LAMC1: variants seen among roughly 807,000 people sequenced by gnomAD.
LAMC1 encodes the protein laminin subunit gamma-1.
LAMC1 carries 38 observed loss-of-function variants against 173.6 expected under a neutral mutation model. The observed-to-expected ratio is 0.22, with a 90% CI of 0.17 to 0.29. The LOEUF (loss-of-function observed/expected upper bound fraction) is 0.29, where lower values mean the gene tolerates loss of function less well. Among genes scored for constraint, LAMC1 ranks in the 10% least tolerant of loss-of-function variants. The probability of loss-of-function intolerance (pLI) is 1.00; values close to 1 mark genes in which losing one functional copy is unlikely to be tolerated. For synonymous variants in LAMC1, 746 were observed against 749.1 expected (o/e 1.00, Z 0.07); for missense variants, 1,824 against 2,051.8 (o/e 0.89, Z 2.14).
intron 24 of LAMC1, 151 bp from the exon 25 acceptor site, chr1:183,136,235 G>C: frequency 1.6e-6 from 1 of 638,136 alleles, no homozygotes; most frequent in Admixed American, 2.7e-5. Context: ...CTGTAGAGAT[G>C]TGTAATTTCT....
At chr1:183,067,085 C>G (rs1318656975) in intron 1 of LAMC1, among the ~76,000 whole-genome samples, 1 of 152,132 alleles carries the variant, frequency 6.6e-6, no homozygotes, top group East Asian at 1.9e-4. Flanking sequence ...TAATTACATT[C>G]TAAGAGTGCA....
Position 183,081,016 on chromosome 1 carries a change from G to A in LAMC1, c.419-22312G>A, listed in dbSNP as rs549265474. Among the ~76,000 whole-genome samples, 3 of 152,132 alleles carry A rather than the reference G, an allele frequency of 2.0e-5. No individual in the cohort carries two copies. The East Asian group carries it at 5.9e-4, about 30-fold the overall frequency. On this transcript the variant is annotated intron_variant, in intron 1 of 27. Transcript: ENST00000258341. Reference sequence around the variant, plus strand: ...CGGTTCTTCTGCCTCAGCCTCCCAAGTAGCTGGGACTACAGGTGCCTGCCA... The same window carrying A: ...CGGTTCTTCTGCCTCAGCCTCCCAAATAGCTGGGACTACAGGTGCCTGCCA...
At chr1:183,114,443 T>A in intron 4 of LAMC1, 88 bp from the exon 5 acceptor site, 1 of 1,253,508 alleles carries the variant, frequency 8.0e-7, no homozygotes, top group South Asian at 1.2e-5. Context: ...GTCTCAGAGA[T>A]GTGGGAAATT....
intron 1 of LAMC1, among the ~76,000 whole-genome samples, chr1:183,051,040 A>AT (rs67717152): frequency 0.48 from 72,539 of 151,740 alleles, 18,560 homozygotes; most frequent in South Asian, 0.64. Context: ...CTTTCAAATT[A>AT]TTTTTTTATC....
Position 183,128,754 on chromosome 1 carries a change from C to T in LAMC1, c.3280+4C>T, listed in dbSNP as rs373354708. ...CGTGAGGCCCAGGATGTCAAAGGTA[C>T]GCATGATTGAACAGTGCATGACTTC... On this transcript the variant is annotated splice_donor_region_variant and intron_variant, in intron 18 of 27. Coordinates refer to ENST00000258341, the MANE Select transcript of LAMC1 (RefSeq NM_002293.4). 1.3e-4 allele frequency: 207 copies of T among 1,611,274 alleles called. 1 individual carries two copies. The highest frequency in any genetic ancestry group is 1.5e-4 in the Non-Finnish European group (182 of 1,178,278).
At chr1:183,045,512 G>A (rs990342976) in intron 1 of LAMC1, among the ~76,000 whole-genome samples, 28 of 152,068 alleles carry the variant, frequency 1.8e-4, no homozygotes, top group Non-Finnish European at 5.9e-5. Flanking sequence ...TTTTTGAAGT[G>A]TAGCTGTAGT....
intron 1 of LAMC1, among the ~76,000 whole-genome samples, chr1:183,071,640 T>C (rs993853537): frequency 6.6e-6 from 1 of 152,168 alleles, no homozygotes; most frequent in Non-Finnish European, 1.5e-5. Flanking sequence ...ATGTTCTGCC[T>C]TCTTGTTTCA....
intron 19 of LAMC1, 144 bp from the exon 20 acceptor site, chr1:183,131,155 C>G (rs989419216): frequency 3.5e-6 from 2 of 568,426 alleles, no homozygotes; most frequent in Admixed American, 3.7e-5. Flanking sequence ...GCCTGGGCAA[C>G]AAGAGTGAAA....
At position 183,117,055 on chromosome 1, in the gene LAMC1, T is replaced by C. The variant is rs10911253; in HGVS notation, c.1564+152T>C. On this transcript the variant is annotated intron_variant, in intron 8 of 27. Transcript: ENST00000258341. ...GCATAGTTTTTGTAGTTTGGCCTTT[T>C]AATTTAATGAAAATGTACTTTTGGC... 0.41 allele frequency: 337,057 copies of C among 827,850 alleles called. 71,575 individuals are homozygous for C. The highest frequency in any genetic ancestry group is 0.47 in the East Asian group (17,264 of 37,056). The allele number at this position is 827,850 out of a possible 1,614,324, so 51.3% of individuals were successfully genotyped here. A position where few individuals can be genotyped will look rare whatever the true frequency, so the allele number is the denominator to read the frequency against.
At chr1:183,033,299 A>G (rs1653892836) in intron 1 of LAMC1, among the ~76,000 whole-genome samples, 1 of 152,206 alleles carries the variant, frequency 6.6e-6, no homozygotes, top group South Asian at 2.1e-4. Flanking sequence ...GAGCCCTCTC[A>G]TACAATCAAG....
chr1:183,037,732 A>G (rs922703527), intron 1 of LAMC1, among the ~76,000 whole-genome samples: 11 of 152,110 alleles, frequency 7.2e-5, no homozygotes, highest in Non-Finnish European at 1.6e-4. Flanking sequence ...GAGGACTCTT[A>G]GATACCTTAA....
intron 1 of LAMC1, among the ~76,000 whole-genome samples, chr1:183,087,680 G>C (rs756594372): frequency 7.9e-5 from 12 of 152,108 alleles, no homozygotes; most frequent in Admixed American, 2.6e-4. Flanking sequence ...GAACTTAGGG[G>C]ATCTGTTCCT....
intron 1 of LAMC1, among the ~76,000 whole-genome samples, chr1:183,051,965 A>G (rs1253712048): frequency 6.6e-6 from 1 of 152,194 alleles, no homozygotes; most frequent in Admixed American, 6.5e-5. Flanking sequence ...AACAGTAGGA[A>G]AACAAGCTAT....
chr1:183,113,393 T>C (rs368949975), intron 4 of LAMC1, among the ~76,000 whole-genome samples: 3,864 of 113,250 alleles, frequency 0.034, 159 homozygotes, highest in African/African-American at 0.093. Flanking sequence ...AAAAGATGTA[T>C]TCGAATATTT....
Position 183,046,439 on chromosome 1 carries a change from T to C in LAMC1, c.418+22305T>C, listed in dbSNP as rs1003162142. ...TTGGATTGAATTGACATCTTTATTA[T>C]TGATTTTTTTCTCCATGAACATGGT... On this transcript the variant is annotated intron_variant, in intron 1 of 27. Transcript: ENST00000258341. Among the ~76,000 whole-genome samples, 35 of 151,080 alleles carry C rather than the reference T, an allele frequency of 2.3e-4. 1 individual carries two copies. The highest frequency in any genetic ancestry group is 2.2e-3 in the Admixed American group (33 of 15,212).
At chr1:183,089,350 T>A (rs1190513712) in intron 1 of LAMC1, among the ~76,000 whole-genome samples, 1 of 152,206 alleles carries the variant, frequency 6.6e-6, no homozygotes, top group Non-Finnish European at 1.5e-5. Flanking sequence ...AAAAGCAGAT[T>A]AAAGGGCCCA....
chr1:183,116,458 C>A (rs1656324333), intron 6 of LAMC1, 119 bp from the exon 7 acceptor site: 2 of 637,158 alleles, frequency 3.1e-6, no homozygotes, highest in Admixed American at 6.0e-5. Context: ...TCCTGGGCGA[C>A]AGTGTGAGAC....
intron 1 of LAMC1, among the ~76,000 whole-genome samples, chr1:183,031,302 T>TC (rs1256714936): frequency 3.3e-5 from 5 of 152,124 alleles, no homozygotes; most frequent in African/African-American, 1.2e-4. Flanking sequence ...AACAGTTGCT[T>TC]CTTTTTTTTC....
chr1:183,101,093 C>T (rs1655823812), intron 1 of LAMC1, among the ~76,000 whole-genome samples: 1 of 152,058 alleles, frequency 6.6e-6, no homozygotes, highest in African/African-American at 2.4e-5. Context: ...ACCTTCTCTC[C>T]TTTGGCCCAG....
Sources: gnomAD v4.1 joint callset for allele counts (sites outside exome capture counted in the v4.1 genomes callset) on GRCh38, gnomAD v4.1.1 for gene constraint, MANE v1.5 for transcripts, NCBI Gene and HGNC (gene_info 2026-07-23, HGNC 2026-07-21) for gene names.